Variants in PSME4 observed in about 807,000 individuals in gnomAD.
PSME4 encodes proteasome activator complex subunit 4.
In PSME4, 89 loss-of-function variants were observed where a neutral mutation model predicts 253.9. That is an observed-to-expected ratio of 0.35 (90% CI 0.30 to 0.42). The LOEUF is 0.42. PSME4 is among the 10% of genes least tolerant of loss of function. The pLI, the probability that PSME4 is intolerant of heterozygous loss-of-function variation, is 1.00. For missense variants in PSME4, 2,014 were observed against 2,195.2 expected (o/e 0.92, Z 1.65); for synonymous variants, 851 against 759.2 (o/e 1.12, Z -1.99).
intron 24 of PSME4, chr2:53,908,032 T>A (rs1667649424): frequency 3.2e-6 from 1 of 315,968 alleles, no homozygotes; most frequent in African/African-American, 2.2e-5. Context: ...CTCCTATTTT[T>A]AAATTCCTTC....
At chr2:53,880,673 T>C (rs761037460) in intron 41 of PSME4, among the ~76,000 whole-genome samples, 1 of 152,240 alleles carries the variant, frequency 6.6e-6, no homozygotes, top group Non-Finnish European at 1.5e-5. Context: ...AATTAAGTAA[T>C]TGTTATTCAT....
At position 53,896,211 on chromosome 2, in the gene PSME4, A is replaced by G. The variant is rs78003635; in HGVS notation, c.3689-475T>C. On this transcript the variant is annotated intron_variant, in intron 32 of 46. Transcript: ENST00000404125. ...ATAATCAAAATACAATTCTCAAAAA[A>G]GCTTTCATTAATACAGTAAAATTAT... Among the ~76,000 whole-genome samples, 240 of 152,328 alleles carry G rather than the reference A, an allele frequency of 1.6e-3. 4 individuals are homozygous for G. The East Asian group carries it at 0.039, about 25-fold the overall frequency.
chr2:53,884,215 C>G (rs1679530294), intron 41 of PSME4, among the ~76,000 whole-genome samples: 1 of 151,880 alleles, frequency 6.6e-6, no homozygotes, highest in East Asian at 1.9e-4. Flanking sequence ...GCTTTCTTTT[C>G]TTTTCTTTTT....
chr2:53,938,499 A>G (rs1309821533), intron 4 of PSME4, among the ~76,000 whole-genome samples: 1 of 151,366 alleles, frequency 6.6e-6, no homozygotes, highest in Non-Finnish European at 1.5e-5. Flanking sequence ...TTTAAAGACA[A>G]GAGTCTCACT....
intron 10 of PSME4, among the ~76,000 whole-genome samples, chr2:53,931,433 T>C (rs926260195): frequency 2.3e-4 from 35 of 152,146 alleles, no homozygotes; most frequent in Non-Finnish European, 8.8e-5. Flanking sequence ...GAATATATAA[T>C]ACATGAAAAT....
At chr2:53,949,668 T>C (rs1369272524) in intron 1 of PSME4, among the ~76,000 whole-genome samples, 1 of 152,112 alleles carries the variant, frequency 6.6e-6, no homozygotes, top group Non-Finnish European at 1.5e-5. Flanking sequence ...ACTGTGTAGG[T>C]ATCCAAAGTA....
At chr2:53,905,745 A>C (rs113916603) in intron 26 of PSME4, among the ~76,000 whole-genome samples, 3 of 152,170 alleles carry the variant, frequency 2.0e-5, no homozygotes. Context: ...TCAAGGCTTG[A>C]GTTCAAGGCT....
At chr2:53,927,508 CA>C in intron 11 of PSME4, 25 bp from the exon 12 acceptor site, 1 of 1,431,326 alleles carries the variant, frequency 7.0e-7, no homozygotes, top group Non-Finnish European at 9.9e-7. Flanking sequence ...AAAGGATTTT[CA>C]ACATTACATA....
At chr2:53,871,671 C>A (rs116082544) in intron 43 of PSME4, among the ~76,000 whole-genome samples, 619 of 152,264 alleles carry the variant, frequency 4.1e-3, no homozygotes, top group African/African-American at 0.014. Flanking sequence ...TATTACGTTC[C>A]TATAAATAAT....
At chr2:53,897,069 T>C (rs944904485) in intron 31 of PSME4, among the ~76,000 whole-genome samples, 184 bp from the exon 32 acceptor site, 1 of 152,132 alleles carries the variant, frequency 6.6e-6, no homozygotes, top group African/African-American at 2.4e-5. Context: ...CAGTTCTTAC[T>C]CTACAGTCTT....
intron 19 of PSME4, among the ~76,000 whole-genome samples, chr2:53,919,706 T>C (rs115660736): frequency 1.3e-5 from 2 of 152,252 alleles, no homozygotes; most frequent in South Asian, 4.1e-4. Context: ...TTATGAAAAA[T>C]TTGTGGTGTT....
intron 1 of PSME4, among the ~76,000 whole-genome samples, chr2:53,959,487 T>G (rs1357871644): frequency 6.6e-6 from 1 of 152,150 alleles, no homozygotes; most frequent in African/African-American, 2.4e-5. Context: ...CTCAATTAAT[T>G]TCAGGCAGTA....
At chr2:53,910,019 T>C in intron 21 of PSME4, 56 bp downstream of exon 21, 3 of 1,335,624 alleles carry the variant, frequency 2.2e-6, no homozygotes, top group Non-Finnish European at 3.2e-6. Context: ...TTAGTCCTTG[T>C]GGAGTTACTG....
At chr2:53,898,210 G>A in intron 30 of PSME4, 91 bp downstream of exon 30, 1 of 1,294,726 alleles carries the variant, frequency 7.7e-7, no homozygotes, top group Non-Finnish European at 1.1e-6. Context: ...ATAACTTTTT[G>A]TGACATAGTC....
rs941942716 is a variant in PSME4 at position 53,928,147 on chromosome 2, C to A, written c.1473G>T (p.Gly491=). 1.9e-6 allele frequency: 3 copies of A among 1,613,910 alleles called. No homozygotes were observed. The highest frequency in any genetic ancestry group is 2.5e-6 in the Non-Finnish European group (3 of 1,179,906). Reference sequence around the variant, plus strand: ...ATTTACTAAAGTCATTTGGATCCACCCCAGGCAATGCTCTCATCAACAGAG... The same window carrying A: ...ATTTACTAAAGTCATTTGGATCCACACCAGGCAATGCTCTCATCAACAGAG... ...MLPLLMRALP[G]VDPNDFSKCM... Residue 491 remains glycine, a synonymous_variant, in exon 11 of 47, where the codon GGG becomes GGT. Coordinates refer to ENST00000404125, the MANE Select transcript of PSME4 (RefSeq NM_014614.3).
At chr2:53,900,476 C>A (rs1000802175) in intron 28 of PSME4, among the ~76,000 whole-genome samples, 8 of 151,490 alleles carry the variant, frequency 5.3e-5, no homozygotes, top group African/African-American at 1.7e-4. Flanking sequence ...AAGGCTGAGG[C>A]AGGGGATGAT....
intron 30 of PSME4, 112 bp from the exon 31 acceptor site, chr2:53,898,111 T>G: frequency 7.6e-7 from 1 of 1,312,034 alleles, no homozygotes; most frequent in Non-Finnish European, 1.1e-6. Flanking sequence ...AAAATAGGTC[T>G]AGTGAAGAAT....
chr2:53,895,798 A>C, intron 32 of PSME4, 62 bp from the exon 33 acceptor site: 1 of 1,427,876 alleles, frequency 7.0e-7, no homozygotes, highest in Non-Finnish European at 9.5e-7. Flanking sequence ...TTATTACCAA[A>C]TTTCAATCAA....
chr2:53,930,602 C>T (rs183920999), intron 10 of PSME4, among the ~76,000 whole-genome samples: 35 of 152,236 alleles, frequency 2.3e-4, no homozygotes, highest in African/African-American at 7.2e-4. Flanking sequence ...AAATGAAGTA[C>T]GGCCTAACTT....
Sources: gnomAD v4.1 joint callset for allele counts (sites outside exome capture counted in the v4.1 genomes callset) on GRCh38, gnomAD v4.1.1 for gene constraint, MANE v1.5 for transcripts, NCBI Gene and HGNC (gene_info 2026-07-23, HGNC 2026-07-21) for gene names.